The following IL1RAPL1 variants were observed in gnomAD, a reference collection of about 807,000 sequenced individuals.
The protein encoded by IL1RAPL1 is interleukin 1 receptor accessory protein like 1.
IL1RAPL1 carries 3 observed loss-of-function variants against 48.4 expected under a neutral mutation model. The observed-to-expected ratio is 0.06, with a 90% CI of 0.03 to 0.16. The LOEUF (loss-of-function observed/expected upper bound fraction) is 0.16. Among genes scored for constraint, IL1RAPL1 ranks in the 10% least tolerant of loss-of-function variants. The pLI is 1.00. For missense variants in IL1RAPL1, 349 were observed against 530.6 expected (o/e 0.66, Z 3.36); for synonymous variants, 185 against 187.7 (o/e 0.99, Z 0.12).
chrX:28,733,408 T>G (rs1935780526), intron 1 of IL1RAPL1, among the ~76,000 whole-genome samples: 1 of 110,785 alleles, frequency 9.0e-6, no homozygotes. Context: ...TCATTTCTCT[T>G]AGACCTCTTC....
chrX:29,423,715 A>G (rs904555999), intron 5 of IL1RAPL1, among the ~76,000 whole-genome samples: 5 of 111,731 alleles, frequency 4.5e-5, no homozygotes, highest in Non-Finnish European at 7.5e-5. Flanking sequence ...GATGATGTTA[A>G]TCATGATGAT....
intron 6 of IL1RAPL1, among the ~76,000 whole-genome samples, chrX:29,764,361 G>A (rs1396050256): frequency 8.9e-6 from 1 of 111,875 alleles, no homozygotes; most frequent in Non-Finnish European, 1.9e-5. Context: ...CTGAATGATG[G>A]ACACCCAAGC....
chrX:29,128,958 C>T (rs954010822), intron 2 of IL1RAPL1, among the ~76,000 whole-genome samples: 1 of 109,957 alleles, frequency 9.1e-6, no homozygotes, highest in African/African-American at 3.3e-5. Context: ...AAAACCACCA[C>T]GTGTAGGGAC....
chrX:29,484,178 G>A (rs773943584), intron 5 of IL1RAPL1, among the ~76,000 whole-genome samples: 5 of 111,494 alleles, frequency 4.5e-5, no homozygotes, highest in Non-Finnish European at 9.4e-5. Flanking sequence ...ACCACAGACA[G>A]GGTAATTTAT....
intron 1 of IL1RAPL1, among the ~76,000 whole-genome samples, chrX:28,660,086 G>GTGT (rs1934801635): frequency 1.3e-5 from 1 of 76,434 alleles, no homozygotes; most frequent in East Asian, 5.1e-4. Context: ...GAGTGAGGAT[G>GTGT]GTGTGTGTGT....
intron 1 of IL1RAPL1, among the ~76,000 whole-genome samples, chrX:28,599,650 T>C (rs1933998220): frequency 9.0e-6 from 1 of 111,673 alleles, no homozygotes; most frequent in Non-Finnish European, 1.9e-5. Context: ...GAAATACTAC[T>C]TGAGGGCCCT....
Position 29,385,213 on chromosome X carries a change from G to A in IL1RAPL1, c.363-11045G>A, listed in dbSNP as rs945213422. Among the ~76,000 whole-genome samples the A allele has an allele frequency of 3.6e-5, 4 of 112,154 alleles. No homozygotes were observed. In the Admixed American group the frequency reaches 3.8e-4, roughly 11 times the overall value. The stretch of plus-strand genomic sequence containing the variant: ...CTCAAGCCTGTAATCCCAGCACATT[G>A]GGAGGCCGCAGTGGGTGGATCACCT... On this transcript the variant is annotated intron_variant, in intron 3 of 10. Coordinates refer to ENST00000378993, the MANE Select transcript of IL1RAPL1 (RefSeq NM_014271.4).
intron 2 of IL1RAPL1, among the ~76,000 whole-genome samples, chrX:28,811,651 ATTGATACATTAAGCC>A (rs1316897388): frequency 9.0e-6 from 1 of 110,596 alleles, no homozygotes; most frequent in Non-Finnish European, 1.9e-5. Flanking sequence ...ATGATTAGAA[ATTGATACATTAAGCC>A]TGGAGATGAA....
rs771759992 is a variant in IL1RAPL1 at position 29,602,241 on chromosome X, C to T, written c.704-66189C>T. On this transcript the variant is annotated intron_variant, in intron 5 of 10. Transcript: ENST00000378993. ...CATGTGATCCACCTGCCTCGGCCTT[C>T]CAAAGTGCTGGGATTACAGGTGCAA... Among the ~76,000 whole-genome samples, 604 of 103,341 alleles carry T rather than the reference C, an allele frequency of 5.8e-3. 85 individuals are homozygous for T. The highest frequency in any genetic ancestry group is 0.025 in the African/African-American group (569 of 22,966). 89.7% of individuals were successfully genotyped at this position (103,341 alleles called of 115,157 possible).
At chrX:29,240,195 C>CACACATATATATATATATATAT (rs1555979978) in intron 2 of IL1RAPL1, among the ~76,000 whole-genome samples, 3 of 27,224 alleles carry the variant, frequency 1.1e-4, no homozygotes, top group African/African-American at 6.2e-4. Flanking sequence ...CACACACACA[C>CACACATATATATATATATATAT]ATATATATAT....
chrX:29,848,698 A>C (rs1230309761), intron 6 of IL1RAPL1, among the ~76,000 whole-genome samples: 2 of 111,870 alleles, frequency 1.8e-5, no homozygotes, highest in Admixed American at 1.9e-4. Context: ...TGCAGACTGG[A>C]CTACTGTCAA....
chrX:29,876,608 T>C (rs375762844), intron 6 of IL1RAPL1, among the ~76,000 whole-genome samples: 2 of 111,081 alleles, frequency 1.8e-5, no homozygotes, highest in East Asian at 5.7e-4. Flanking sequence ...AACTACCAAA[T>C]AGATCAGCCC....
At chrX:29,562,073 T>TA (rs972285173) in intron 5 of IL1RAPL1, among the ~76,000 whole-genome samples, 18 of 98,867 alleles carry the variant, frequency 1.8e-4, no homozygotes, top group African/African-American at 4.4e-4. Context: ...TCTATCTATC[T>TA]ATCTATCTAA....
chrX:29,232,823 G>A (rs1398980260), intron 2 of IL1RAPL1, among the ~76,000 whole-genome samples: 1 of 110,248 alleles, frequency 9.1e-6, no homozygotes, highest in Admixed American at 9.7e-5. Context: ...TTTGAGGCAA[G>A]TGTCTTGCTC....
chrX:29,327,007 T>G (rs761094003), intron 3 of IL1RAPL1, among the ~76,000 whole-genome samples: 200 of 111,917 alleles, frequency 1.8e-3, no homozygotes, highest in African/African-American at 6.0e-3. Context: ...TTGGCTGTCT[T>G]TTACATTCCC....
chrX:29,232,163 TTTTG>T (rs1931213287), intron 2 of IL1RAPL1, among the ~76,000 whole-genome samples: 1 of 111,863 alleles, frequency 8.9e-6, no homozygotes, highest in Non-Finnish European at 1.9e-5. Context: ...TGTTAGTGAA[TTTTG>T]TTTTTGTTCT....
In IL1RAPL1 at chrX:29,778,194, T is replaced by C. The variant is rs1929253289; in HGVS notation, c.778+109690T>C. Among the ~76,000 whole-genome samples, 4 of 111,526 alleles carry C rather than the reference T, an allele frequency of 3.6e-5. No individual in the cohort carries two copies. In the Admixed American group the frequency reaches 3.8e-4, roughly 11 times the overall value. Reference sequence around the variant, plus strand: ...TTGAAAACACACAGATGTGAACATATTACCAATATTTTGCCAATATAAGAG... The same window carrying C: ...TTGAAAACACACAGATGTGAACATACTACCAATATTTTGCCAATATAAGAG... On this transcript the variant is annotated intron_variant, in intron 6 of 10. Coordinates refer to ENST00000378993, the MANE Select transcript of IL1RAPL1 (RefSeq NM_014271.4).
At chrX:28,704,294 T>A (rs1935337389) in intron 1 of IL1RAPL1, among the ~76,000 whole-genome samples, 1 of 109,972 alleles carries the variant, frequency 9.1e-6, no homozygotes, top group Non-Finnish European at 1.9e-5. Flanking sequence ...TCTCCAACCT[T>A]AGGGAATCAT....
chrX:28,590,311 C>A (rs902427554), intron 1 of IL1RAPL1, among the ~76,000 whole-genome samples: 1 of 111,524 alleles, frequency 9.0e-6, no homozygotes, highest in African/African-American at 3.3e-5. Context: ...AACGACTTTT[C>A]TGTCAGGGAG....
Sources: gnomAD v4.1 joint callset for allele counts (sites outside exome capture counted in the v4.1 genomes callset) on GRCh38, gnomAD v4.1.1 for gene constraint, MANE v1.5 for transcripts, NCBI Gene and HGNC (gene_info 2026-07-23, HGNC 2026-07-21) for gene names.